CPED1: variants seen among roughly 807,000 people sequenced by gnomAD.
CPED1 encodes cadherin like and PC-esterase domain containing 1.
A neutral mutation model predicts 128.2 loss-of-function variants in CPED1; 114 were observed. The ratio of observed to expected loss-of-function variants is 0.89; its 90% CI spans 0.76 to 1.04. The LOEUF (loss-of-function observed/expected upper bound fraction) is 1.04, where lower values mean the gene tolerates loss of function less well. Among genes scored for constraint, CPED1 ranks in the 50% least tolerant of loss-of-function variants. The pLI is 0.00. For missense variants in CPED1, 1,211 were observed against 1,207.1 expected (o/e 1.00, Z -0.05); for synonymous variants, 462 against 426.7 (o/e 1.08, Z -1.02).
chr7:121,018,007 A>G (rs1034263100), intron 3 of CPED1, among the ~76,000 whole-genome samples: 4 of 152,156 alleles, frequency 2.6e-5, no homozygotes, highest in African/African-American at 9.7e-5. Context: ...GTATAATAAG[A>G]TATTATTACT....
At chr7:121,099,895 G>A in intron 6 of CPED1, 31 bp from the exon 7 acceptor site, 1 of 1,557,076 alleles carries the variant, frequency 6.4e-7, no homozygotes, top group East Asian at 2.3e-5. Flanking sequence ...CTACATTATG[G>A]AGCGCTAACT....
rs2116747128 is a variant in CPED1, at chr7:121,266,803, G to A, written c.2628G>A (p.Leu876=). ...ACCTGCAAATTATTCACAAAGTTTT[G>A]AAGAGGTAAATGTCTGCAACAATAA... ...SNHLQIIHKV[L]KRENLLNILV... is the part of the protein sequence containing the mutation. Residue 876 remains leucine (L), a synonymous_variant, in exon 20 of 23, where the codon TTG becomes TTA. Transcript: ENST00000310396. 6.2e-7 allele frequency: 1 copy of A among 1,608,350 alleles called. No homozygotes were observed. The highest frequency in any genetic ancestry group is 8.5e-7 in the Non-Finnish European group (1 of 1,175,186).
rs747321163 is a variant in CPED1 at position 121,266,834 on chromosome 7, A to G, written c.2633+26A>G. 9 of 1,528,136 alleles carry G rather than the reference A, an allele frequency of 5.9e-6. No individual in the cohort carries two copies. In the South Asian group the frequency reaches 7.9e-5, roughly 13 times the overall value. The allele number at this position is 1,528,136 out of a possible 1,614,324, so 94.7% of individuals were successfully genotyped here. On this transcript the variant is annotated intron_variant, in intron 20 of 22. Coordinates refer to ENST00000310396, the MANE Select transcript of CPED1 (RefSeq NM_024913.5). ...GTAAATGTCTGCAACAATAATTGTC[A>G]TTAGTATTCTAAGTCAAAAAAGTTA...
intron 4 of CPED1, among the ~76,000 whole-genome samples, chr7:121,050,153 C>A (rs1210240281): frequency 2.6e-5 from 4 of 152,220 alleles, no homozygotes; most frequent in East Asian, 1.9e-4. Flanking sequence ...CATCCTTGAG[C>A]CCTTCCTCTT....
At chr7:121,278,414 C>T (rs1034875463) in intron 22 of CPED1, among the ~76,000 whole-genome samples, 2 of 152,062 alleles carry the variant, frequency 1.3e-5, no homozygotes, top group Non-Finnish European at 2.9e-5. Context: ...TATCTCAGAG[C>T]CTCCAGTGTC....
chr7:121,250,609 G>A (rs1798648561), intron 18 of CPED1, among the ~76,000 whole-genome samples: 1 of 152,144 alleles, frequency 6.6e-6, no homozygotes, highest in African/African-American at 2.4e-5. Flanking sequence ...GAATCAAATA[G>A]ATGCAATAAA....
intron 16 of CPED1, among the ~76,000 whole-genome samples, chr7:121,154,310 G>A (rs1460396852): frequency 2.6e-5 from 4 of 152,060 alleles, no homozygotes; most frequent in Admixed American, 2.6e-4. Context: ...TAATTGCTGA[G>A]ACCAGGACTT....
At chr7:121,107,275 T>G (rs1795001258) in intron 7 of CPED1, among the ~76,000 whole-genome samples, 1 of 152,156 alleles carries the variant, frequency 6.6e-6, no homozygotes, top group Non-Finnish European at 1.5e-5. Context: ...GGCTTAACTT[T>G]TTCATCACTG....
intron 16 of CPED1, among the ~76,000 whole-genome samples, chr7:121,174,748 TAG>T (rs1473342010): frequency 4.6e-5 from 7 of 152,122 alleles, no homozygotes; most frequent in African/African-American, 1.7e-4. Flanking sequence ...TAGTTTTTTC[TAG>T]TTCTATGAAG....
At chr7:121,032,590 C>T (rs1250099437) in intron 3 of CPED1, among the ~76,000 whole-genome samples, 1 of 151,714 alleles carries the variant, frequency 6.6e-6, no homozygotes, top group Non-Finnish European at 1.5e-5. Context: ...AGGACCAATA[C>T]CTAATGTATG....
chr7:121,029,394 C>T (rs980425105), intron 3 of CPED1, among the ~76,000 whole-genome samples: 1 of 152,106 alleles, frequency 6.6e-6, no homozygotes, highest in Non-Finnish European at 1.5e-5. Context: ...GAGGACTTTA[C>T]CTGTTGTTCT....
At chr7:121,286,078 G>C (rs932304411) in intron 22 of CPED1, among the ~76,000 whole-genome samples, 2 of 152,206 alleles carry the variant, frequency 1.3e-5, no homozygotes, top group Admixed American at 1.3e-4. Context: ...TGGAAAAGAA[G>C]CAAACACGTC....
At chr7:121,124,187 C>G (rs3779384) in intron 7 of CPED1, 144 bp from the exon 8 acceptor site, 254,253 of 550,994 alleles carry the variant, frequency 0.46, 63,134 homozygotes, top group East Asian at 0.85. Context: ...TCTTAGATTA[C>G]CAAACTTACT....
intron 7 of CPED1, among the ~76,000 whole-genome samples, chr7:121,112,794 G>A (rs1795145458): frequency 6.6e-6 from 1 of 152,166 alleles, no homozygotes; most frequent in African/African-American, 2.4e-5. Context: ...GCGAAGGGGT[G>A]TGCATACTGG....
At chr7:121,044,650 C>CTTTTTTTTTTTTTTT (rs58884492) in intron 3 of CPED1, among the ~76,000 whole-genome samples, 3 of 106,038 alleles carry the variant, frequency 2.8e-5, no homozygotes, top group African/African-American at 6.8e-5. Flanking sequence ...ACTTTCTGCT[C>CTTTTTTTTTTTTTTT]TTTTTTTTTT....
At chr7:121,162,985 A>G (rs1403510982) in intron 16 of CPED1, among the ~76,000 whole-genome samples, 1 of 152,248 alleles carries the variant, frequency 6.6e-6, no homozygotes, top group East Asian at 1.9e-4. Flanking sequence ...CATAAACAAA[A>G]TCAATTCCCA....
intron 4 of CPED1, among the ~76,000 whole-genome samples, chr7:121,056,160 A>C (rs1276676440): frequency 2.6e-5 from 4 of 152,154 alleles, no homozygotes; most frequent in African/African-American, 9.6e-5. Flanking sequence ...GTGTTTTTTA[A>C]TATGTGTAGA....
At chr7:121,089,021 C>A (rs1448310164) in intron 5 of CPED1, among the ~76,000 whole-genome samples, 1 of 152,132 alleles carries the variant, frequency 6.6e-6, no homozygotes, top group Non-Finnish European at 1.5e-5. Flanking sequence ...CTGACTCAGG[C>A]CCTTGGGTCC....
intron 3 of CPED1, among the ~76,000 whole-genome samples, chr7:121,029,877 A>G (rs1355906233): frequency 6.6e-6 from 1 of 152,164 alleles, no homozygotes; most frequent in Non-Finnish European, 1.5e-5. Flanking sequence ...AATTTTATAT[A>G]CATTTTCATA....
Sources: allele counts gnomAD v4.1 joint callset (sites outside exome capture counted in the v4.1 genomes callset), GRCh38; gene constraint gnomAD v4.1.1; transcripts MANE v1.5; gene names NCBI Gene and HGNC (gene_info 2026-07-23, HGNC 2026-07-21).